The following SMU1 variants were observed in gnomAD, a reference collection of about 807,000 sequenced individuals.
SMU1 encodes the protein SMU1 DNA replication regulator and spliceosomal factor, also known as WD40 repeat-containing protein SMU1.
Under a neutral mutation model 62.0 loss-of-function variants are expected in SMU1, and 2 were observed. The ratio of observed to expected loss-of-function variants is 0.03; its 90% confidence interval spans 0.01 to 0.10. SMU1 has a LOEUF of 0.10. SMU1 is among the 10% of genes least tolerant of loss of function. The pLI is 1.00. For synonymous variants in SMU1, 188 were observed against 212.4 expected (o/e 0.89, Z 1.00); for missense variants, 227 against 622.1 (o/e 0.36, Z 6.76).
intron 7 of SMU1, 135 bp from the exon 8 acceptor site, chr9:33,057,099 T>G (rs1488527610): frequency 8.6e-6 from 7 of 816,184 alleles, no homozygotes; most frequent in Non-Finnish European, 1.3e-5. Context: ...AATAGCTGAA[T>G]ATGATGTCTA....
chr9:33,048,233 T>C lies in SMU1; in HGVS notation c.1316A>G (p.Lys439Arg). ...GCAAACAAAGTCCCCACCTTCTCTT[T>C]TACCAGAACTGAAGCTTCTGACAAT... ...GQIVRSFSSG[K>R]REGGDFVCCA... The change falls in exon 11 of 12, where the codon AAA (lysine) becomes AGA (arginine). Residue 439 changes from lysine to arginine, a missense_variant. Lys to Arg is a conservative substitution (Grantham distance 26). Transcript: ENST00000397149. 6.2e-7 allele frequency: 1 copy of C among 1,614,186 alleles called. No homozygotes were observed. Among genetic ancestry groups the C allele is most frequent in the Non-Finnish European group, 8.5e-7 (1 of 1,180,028 alleles).
chr9:33,062,237 G>C (rs1418040889), intron 4 of SMU1, 60 bp from the exon 5 acceptor site: 14 of 1,549,878 alleles, frequency 9.0e-6, no homozygotes, highest in Admixed American at 5.9e-5. Context: ...CTGGTCATAA[G>C]TGCTCAGAAA....
At chr9:33,061,610 C>T (rs759261666) in intron 5 of SMU1, among the ~76,000 whole-genome samples, 1 of 152,114 alleles carries the variant, frequency 6.6e-6, no homozygotes, top group African/African-American at 2.4e-5. Context: ...AAAAACCACA[C>T]CATAGGAAGA....
intron 6 of SMU1, 105 bp from the exon 7 acceptor site, chr9:33,057,819 C>A: frequency 6.9e-7 from 1 of 1,452,598 alleles, no homozygotes; most frequent in Non-Finnish European, 9.3e-7. Context: ...CTACTCTAAA[C>A]CCCCAAAGTA....
At chr9:33,066,377 G>A (rs1015991166) in intron 4 of SMU1, among the ~76,000 whole-genome samples, 3 of 152,048 alleles carry the variant, frequency 2.0e-5, no homozygotes, top group African/African-American at 7.2e-5. Context: ...GGAAGTTACT[G>A]GACTCAGTAC....
chr9:33,076,622 C>T lies in SMU1; in HGVS notation c.-14G>A. On this transcript the variant is annotated 5_prime_UTR_variant, in exon 1 of 12. Coordinates refer to ENST00000397149, the MANE Select transcript of SMU1 (RefSeq NM_018225.3). ...TTCGATCGACATAGCCGTATCTCTC[C>T]GGGAGCAGGCCCCAGCTCTCCCTCA... 6.2e-7 allele frequency: 1 copy of T among 1,613,906 alleles called. No homozygotes were observed. The highest frequency in any genetic ancestry group is 8.5e-7 in the Non-Finnish European group (1 of 1,180,026).
intron 3 of SMU1, among the ~76,000 whole-genome samples, chr9:33,069,775 C>T (rs1587712833): frequency 6.6e-6 from 1 of 151,910 alleles, no homozygotes. Context: ...GCACTCCAGC[C>T]GGGGAGACAA....
Position 33,053,267 on chromosome 9 carries a change from T to G in SMU1, c.1146A>C (p.Glu382Asp), listed in dbSNP as rs759482316. The G allele has an allele frequency of 6.2e-7, 1 of 1,612,914 alleles. No homozygotes were observed. Among genetic ancestry groups the G allele is most frequent in the South Asian group, 1.1e-5 (1 of 91,026 alleles). Residue 382 changes from glutamate to aspartate, a missense_variant, in exon 10 of 12, where the codon GAA becomes GAC. By Grantham distance (45) the Glu-to-Asp change is conservative (BLOSUM62 2). Transcript: ENST00000397149. ...CCAGGGATTTAAAGGTATTTGAACA[T>G]TCTGTGGTCTTCATATTCCAGATCT... Reference protein sequence around the residue: ...TVKIWNMKTTECSNTFKSLGS... With the variant: ...TVKIWNMKTTDCSNTFKSLGS...
At position 33,060,471 on chromosome 9, in the gene SMU1, G is replaced by C; in HGVS notation, c.744C>G (p.Ile248Met). Reference sequence around the variant, plus strand: ...CACATTTAAAATACTTTACCTTTCTGATTTTTCCAGTAGTAAAGTTCCATA... The same window carrying C: ...CACATTTAAAATACTTTACCTTTCTCATTTTTCCAGTAGTAAAGTTCCATA... ...IEVWNFTTGK[I>M]RKDLKYQAQD... is the part of the protein sequence containing the mutation. The change falls in exon 6 of 12, where the codon ATC becomes ATG. Residue 248 changes from isoleucine to methionine, a missense_variant. Around this residue, in one of 5 missense-constraint regions of SMU1, gnomAD observed 5 missense variants for 19.3 expected, o/e 0.26. Coordinates refer to ENST00000397149, the MANE Select transcript of SMU1 (RefSeq NM_018225.3). The C allele has an allele frequency of 6.3e-7, 1 of 1,597,286 alleles. No individual in the cohort carries two copies. Among genetic ancestry groups the C allele is most frequent in the Non-Finnish European group, 8.5e-7 (1 of 1,176,430 alleles).
At chr9:33,072,983 T>C (rs1839504640) in intron 2 of SMU1, among the ~76,000 whole-genome samples, 1 of 152,218 alleles carries the variant, frequency 6.6e-6, no homozygotes, top group Non-Finnish European at 1.5e-5. Flanking sequence ...GGCTTGGAGC[T>C]TCTTGGAATT....
chr9:33,058,982 T>C (rs752240350), intron 6 of SMU1, among the ~76,000 whole-genome samples: 2 of 152,088 alleles, frequency 1.3e-5, no homozygotes, highest in Non-Finnish European at 2.9e-5. Flanking sequence ...GACTTCATAG[T>C]GTAAGAAATA....
intron 8 of SMU1, 47 bp from the exon 9 acceptor site, chr9:33,056,286 T>G (rs1839302999): frequency 6.4e-7 from 1 of 1,561,650 alleles, no homozygotes; most frequent in South Asian, 1.2e-5. Context: ...TTTAATATCT[T>G]ATGGTTGTGA....
chr9:33,054,890 A>G (rs1238986049), intron 9 of SMU1, among the ~76,000 whole-genome samples: 1 of 152,214 alleles, frequency 6.6e-6, no homozygotes, highest in Non-Finnish European at 1.5e-5. Flanking sequence ...TTTTCCATTC[A>G]AAAGGTCAGT....
intron 1 of SMU1, among the ~76,000 whole-genome samples, chr9:33,075,493 T>C (rs1019691216): frequency 1.3e-5 from 2 of 152,204 alleles, no homozygotes; most frequent in African/African-American, 4.8e-5. Context: ...TATGATACTA[T>C]CTTCCTTAGC....
At chr9:33,071,664 A>G in intron 3 of SMU1, 76 bp downstream of exon 3, 3 of 80,338 alleles carry the variant, frequency 3.7e-5, no homozygotes, top group Non-Finnish European at 7.3e-5. Context: ...ATAAAATGGT[A>G]AAAAAAAAAA....
intron 2 of SMU1, among the ~76,000 whole-genome samples, chr9:33,072,943 A>G (rs1839504204): frequency 6.6e-6 from 1 of 152,054 alleles, no homozygotes; most frequent in African/African-American, 2.4e-5. Flanking sequence ...TTATAATCAC[A>G]AATTTGTCTG....
chr9:33,047,509 G>T, intron 11 of SMU1, 118 bp from the exon 12 acceptor site: 1 of 663,824 alleles, frequency 1.5e-6, no homozygotes, highest in Non-Finnish European at 2.5e-6. Flanking sequence ...TATTCCAAAT[G>T]GCATAGGAGA....
chr9:33,047,340 T>A lies in SMU1; in HGVS notation c.1495A>T (p.Ile499Phe). Residue 499 changes from isoleucine to phenylalanine, a missense_variant, in exon 12 of 12, where the codon ATT (isoleucine) becomes TTT (phenylalanine). Ile to Phe is a conservative substitution (Grantham distance 21, BLOSUM62 0). Around this residue, in one of 5 missense-constraint regions of SMU1, gnomAD observed 25 missense variants for 116.2 expected, o/e 0.22. Coordinates refer to ENST00000397149, the MANE Select transcript of SMU1 (RefSeq NM_018225.3). Reference sequence around the variant, plus strand: ...AGTCCATCTTCACTGTAGGTAGCAATCAGGTTCTGATGAGGGTGATGTGCA... The same window carrying A: ...AGTCCATCTTCACTGTAGGTAGCAAACAGGTTCTGATGAGGGTGATGTGCA... ...GIAHHPHQNL[I>F]ATYSEDGLLK... is the part of the protein sequence containing the mutation. 5 of 1,613,476 alleles carry A rather than the reference T, an allele frequency of 3.1e-6. No individual in the cohort carries two copies. Among genetic ancestry groups the A allele is most frequent in the Non-Finnish European group, 4.2e-6 (5 of 1,179,874 alleles).
At chr9:33,069,153 C>T (rs568804515) in intron 3 of SMU1, among the ~76,000 whole-genome samples, 1 of 152,196 alleles carries the variant, frequency 6.6e-6, no homozygotes, top group South Asian at 2.1e-4. Flanking sequence ...AAACTGAGGT[C>T]AGCCAATCCA....
Sources: gnomAD v4.1 joint callset for allele counts (sites outside exome capture counted in the v4.1 genomes callset) on GRCh38, gnomAD v4.1.1 for gene constraint, gnomAD v4.1.1 regional missense constraint, MANE v1.5 for transcripts, NCBI Gene and HGNC (gene_info 2026-07-23, HGNC 2026-07-21) for gene names.